The following SLC24A4 variants were observed in gnomAD, a reference collection of about 807,000 sequenced individuals.
SLC24A4 encodes the protein sodium/potassium/calcium exchanger 4.
In SLC24A4, 53 loss-of-function variants were observed where a neutral mutation model predicts 79.0. The observed-to-expected ratio is 0.67, with a 90% CI of 0.54 to 0.84. SLC24A4 has a LOEUF of 0.84. Ranked by LOEUF, SLC24A4 falls within the 40% of genes least tolerant of loss-of-function variation. The pLI is 0.00. For synonymous variants in SLC24A4, 323 were observed against 323.8 expected, an observed-to-expected ratio of 1.00 and a Z score of 0.03; for missense variants, 731 against 822.0, an observed-to-expected ratio of 0.89 and a Z score of 1.35.
Position 92,494,023 on chromosome 14 carries a change from G to A in SLC24A4, c.*395G>A, listed in dbSNP as rs1895841282. On this transcript the variant is annotated 3_prime_UTR_variant, in exon 17 of 17. Transcript: ENST00000532405. The surrounding 1 kb of genome is among the most constrained non-coding windows in gnomAD (Gnocchi z 4.6). Reference sequence around the variant, plus strand: ...ATTTGTGAGCACAAGATCTCATAGGGCAGGTGCAAAATAGGAATGTTGTTC... The same window carrying A: ...ATTTGTGAGCACAAGATCTCATAGGACAGGTGCAAAATAGGAATGTTGTTC... 2 of 184,354 alleles carry A rather than the reference G, an allele frequency of 1.1e-5. No individual in the cohort carries two copies. Among genetic ancestry groups the A allele is most frequent in the South Asian group, 2.3e-4 (2 of 8,776 alleles). 11.4% of individuals were successfully genotyped at this position (184,354 alleles called of 1,614,324 possible).
chr14:92,447,466 C>T, intron 9 of SLC24A4, 42 bp downstream of exon 9: 2 of 1,570,574 alleles, frequency 1.3e-6, no homozygotes, highest in South Asian at 1.1e-5. Context: ...GACGCCTTGC[C>T]CCACTGCCTG....
chr14:92,384,849 A>G (rs1399436156), intron 2 of SLC24A4, among the ~76,000 whole-genome samples: 1 of 152,206 alleles, frequency 6.6e-6, no homozygotes, highest in Non-Finnish European at 1.5e-5. Flanking sequence ...TAAGCAGAGC[A>G]TAAGATTTAA....
intron 2 of SLC24A4, among the ~76,000 whole-genome samples, chr14:92,414,650 G>T (rs1248000760): frequency 6.6e-6 from 1 of 152,152 alleles, no homozygotes; most frequent in African/African-American, 2.4e-5. Context: ...TGAGGTGGGA[G>T]GATTGCTTGA....
chr14:92,433,193 T>C (rs1304860756), intron 2 of SLC24A4, among the ~76,000 whole-genome samples: 1 of 152,062 alleles, frequency 6.6e-6, no homozygotes, highest in Admixed American at 6.5e-5. Flanking sequence ...TCTGTGACAA[T>C]GGAATTCATT....
At chr14:92,374,259 T>C (rs937463170) in intron 2 of SLC24A4, among the ~76,000 whole-genome samples, 67 of 152,196 alleles carry the variant, frequency 4.4e-4, no homozygotes, top group African/African-American at 1.6e-3. Context: ...GGTGGCTTTC[T>C]CCATCAGCCA....
chr14:92,410,418 G>T (rs1232020924), intron 2 of SLC24A4, among the ~76,000 whole-genome samples: 1 of 152,246 alleles, frequency 6.6e-6, no homozygotes, highest in East Asian at 1.9e-4. Context: ...GGCTTCAGGC[G>T]ATCCTCTCAC....
At chr14:92,347,501 T>C (rs1374951713) in intron 2 of SLC24A4, among the ~76,000 whole-genome samples, 2 of 152,108 alleles carry the variant, frequency 1.3e-5, no homozygotes, top group African/African-American at 4.8e-5. Flanking sequence ...ACGTGTTTTA[T>C]GCTCAATTGC....
intron 3 of SLC24A4, among the ~76,000 whole-genome samples, chr14:92,438,218 G>A (rs1250409698): frequency 6.6e-6 from 1 of 152,172 alleles, no homozygotes; most frequent in South Asian, 2.1e-4. Context: ...CCGATGACCC[G>A]CTCTTTGCGC....
At chr14:92,420,471 CTG>C (rs1408316257) in intron 2 of SLC24A4, among the ~76,000 whole-genome samples, 2 of 151,528 alleles carry the variant, frequency 1.3e-5, no homozygotes, top group Non-Finnish European at 1.5e-5. Context: ...GAGCGAGACT[CTG>C]TCTCAAAAAA....
intron 2 of SLC24A4, among the ~76,000 whole-genome samples, chr14:92,381,791 GT>G (rs1464504730): frequency 6.6e-6 from 1 of 151,950 alleles, no homozygotes; most frequent in Non-Finnish European, 1.5e-5. Context: ...AAGCTGTCAG[GT>G]CCCCCTCCTC....
rs527345685 is a variant in SLC24A4, at chr14:92,323,249, C to G, written c.-582C>G. 1 of 152,256 alleles carries G rather than the reference C, an allele frequency of 6.6e-6. No individual in the cohort carries two copies. Among genetic ancestry groups the G allele is most frequent in the Admixed American group, 6.5e-5 (1 of 15,306 alleles). 9.4% of individuals were successfully genotyped at this position (152,256 alleles called of 1,614,324 possible). The stretch of plus-strand genomic sequence containing the variant: ...TGGGAGGGCCGACGTCGAGCCTGCT[C>G]GCCGCGAGGGTCTCAGGTACCGCGC... On this transcript the variant is annotated 5_prime_UTR_variant, in exon 1 of 17. Transcript: ENST00000532405. The surrounding 1 kb of genome is among the most constrained non-coding windows in gnomAD (Gnocchi z 4.9).
chr14:92,386,882 C>G (rs61975641), intron 2 of SLC24A4, among the ~76,000 whole-genome samples: 11,473 of 152,204 alleles, frequency 0.075, 505 homozygotes, highest in Non-Finnish European at 0.085. Flanking sequence ...GTGAAATTTC[C>G]GGTCAAGGGA....
At chr14:92,366,844 G>A (rs1202141521) in intron 2 of SLC24A4, among the ~76,000 whole-genome samples, 2 of 152,194 alleles carry the variant, frequency 1.3e-5, no homozygotes, top group African/African-American at 4.8e-5. Flanking sequence ...GCGGGGAAGG[G>A]GTGATTACGT....
chr14:92,476,451 AT>A (rs35444332), intron 12 of SLC24A4, among the ~76,000 whole-genome samples: 42,140 of 149,220 alleles, frequency 0.28, 6,015 homozygotes, highest in Admixed American at 0.34. Flanking sequence ...TAAGCAGCTG[AT>A]TTTTTTTTTT....
intron 12 of SLC24A4, among the ~76,000 whole-genome samples, chr14:92,460,171 C>T (rs1893718591): frequency 6.6e-6 from 1 of 152,114 alleles, no homozygotes; most frequent in Non-Finnish European, 1.5e-5. Context: ...GGGAGGCCGG[C>T]TCTGGAGTGC....
chr14:92,376,813 G>C (rs141291974), intron 2 of SLC24A4, among the ~76,000 whole-genome samples: 1 of 152,276 alleles, frequency 6.6e-6, no homozygotes, highest in African/African-American at 2.4e-5. Context: ...AGACATTTTT[G>C]GTTGTCACAA....
chr14:92,342,315 G>C (rs112594170), intron 2 of SLC24A4, among the ~76,000 whole-genome samples: 6,482 of 151,700 alleles, frequency 0.043, 472 homozygotes, highest in African/African-American at 0.15. Context: ...GGGCTGTGGG[G>C]GGGGGGTCTC....
chr14:92,446,715 T>C (rs1892815792), intron 8 of SLC24A4, among the ~76,000 whole-genome samples: 1 of 152,204 alleles, frequency 6.6e-6, no homozygotes, highest in Non-Finnish European at 1.5e-5. Context: ...GGCTTTGGTT[T>C]ATATGTGTCA....
chr14:92,419,251 C>A (rs578235597), intron 2 of SLC24A4, among the ~76,000 whole-genome samples: 1 of 152,168 alleles, frequency 6.6e-6, no homozygotes, highest in Non-Finnish European at 1.5e-5. Context: ...AGAGCTAGAG[C>A]GTGCCAGAGG....
Sources: allele counts gnomAD v4.1 joint callset (sites outside exome capture counted in the v4.1 genomes callset), GRCh38; gene constraint gnomAD v4.1.1; non-coding constraint Gnocchi (gnomAD v3.1); transcripts MANE v1.5; gene names NCBI Gene and HGNC (gene_info 2026-07-23, HGNC 2026-07-21).